GABPB1: variants seen among roughly 807,000 people sequenced by gnomAD.
GABPB1 encodes the protein GA-binding protein subunit beta-1.
GABPB1 carries 15 observed loss-of-function variants against 45.9 expected under a neutral mutation model. The ratio of observed to expected loss-of-function variants is 0.33; its 90% confidence interval spans 0.22 to 0.50. The LOEUF is 0.50. Among genes scored for constraint, GABPB1 ranks in the 20% least tolerant of loss-of-function variants. The probability of loss-of-function intolerance (pLI) is 0.98; values close to 1 mark genes in which losing one functional copy is unlikely to be tolerated. For synonymous variants in GABPB1, 143 were observed against 154.4 expected, an observed-to-expected ratio of 0.93 and a Z score of 0.55; for missense variants, 252 against 457.5, an observed-to-expected ratio of 0.55 and a Z score of 4.10.
At chr15:50,354,656 C>A (rs893715554) in intron 1 of GABPB1, 1 of 430,510 alleles carries the variant, frequency 2.3e-6, no homozygotes, top group Non-Finnish European at 4.6e-6. Flanking sequence ...GGCTGCCGCT[C>A]GGGACCGGCA....
At chr15:50,345,850 T>C (rs1009947243) in intron 1 of GABPB1, among the ~76,000 whole-genome samples, 1 of 152,128 alleles carries the variant, frequency 6.6e-6, no homozygotes, top group Non-Finnish European at 1.5e-5. Flanking sequence ...TAGCTGGAAC[T>C]ACAGGCGCTC....
At chr15:50,306,059 C>G (rs2046938904) in intron 2 of GABPB1, among the ~76,000 whole-genome samples, 1 of 151,964 alleles carries the variant, frequency 6.6e-6, no homozygotes, top group Non-Finnish European at 1.5e-5. Context: ...ACTGTAACCT[C>G]TAACTCCTAG....
At chr15:50,331,987 G>A (rs755800190) in intron 1 of GABPB1, among the ~76,000 whole-genome samples, 3 of 151,618 alleles carry the variant, frequency 2.0e-5, no homozygotes, top group Admixed American at 1.3e-4. Context: ...CGATTCTCCC[G>A]TCTCAGTCTC....
At chr15:50,348,043 G>GACAAAAAAAA (rs1555517541) in intron 1 of GABPB1, among the ~76,000 whole-genome samples, 11 of 113,720 alleles carry the variant, frequency 9.7e-5, no homozygotes, top group African/African-American at 4.5e-4. Context: ...ACTCCATCTG[G>GACAAAAAAAA]AAAAAAAAAA....
chr15:50,347,137 A>G (rs2048620583), intron 1 of GABPB1, among the ~76,000 whole-genome samples: 1 of 151,840 alleles, frequency 6.6e-6, no homozygotes, highest in South Asian at 2.1e-4. Context: ...GGCTCTACCC[A>G]CCTGAGCTAA....
chr15:50,316,102 T>TA (rs1350419494), intron 1 of GABPB1, among the ~76,000 whole-genome samples: 2 of 152,206 alleles, frequency 1.3e-5, no homozygotes, highest in African/African-American at 4.8e-5. Context: ...GCTAGATTTT[T>TA]AAAAAATCAT....
intron 1 of GABPB1, among the ~76,000 whole-genome samples, chr15:50,318,363 C>T (rs1224055601): frequency 6.6e-6 from 1 of 152,134 alleles, no homozygotes; most frequent in Non-Finnish European, 1.5e-5. Context: ...ATCACATGAA[C>T]TCTGGTATAT....
At chr15:50,345,421 G>C (rs1342707141) in intron 1 of GABPB1, among the ~76,000 whole-genome samples, 2 of 152,138 alleles carry the variant, frequency 1.3e-5, no homozygotes, top group Non-Finnish European at 2.9e-5. Flanking sequence ...ACAAAAATTA[G>C]CCAGGCATGG....
intron 2 of GABPB1, among the ~76,000 whole-genome samples, chr15:50,308,946 T>C (rs539410044): frequency 3.9e-4 from 59 of 152,316 alleles, no homozygotes; most frequent in Admixed American, 7.9e-4. Context: ...CATGATTTGA[T>C]AATTTTTGAA....
At chr15:50,321,200 T>C (rs2047557728) in intron 1 of GABPB1, among the ~76,000 whole-genome samples, 1 of 152,212 alleles carries the variant, frequency 6.6e-6, no homozygotes, top group Non-Finnish European at 1.5e-5. Context: ...GCAGGATTGC[T>C]AGACTTGTTT....
chr15:50,318,605 A>C (rs2047436067), intron 1 of GABPB1, among the ~76,000 whole-genome samples: 2 of 152,192 alleles, frequency 1.3e-5, no homozygotes, highest in Non-Finnish European at 2.9e-5. Context: ...ACCCAAAATG[A>C]TGGTGAAGGG....
At chr15:50,316,995 T>C (rs975118278) in intron 1 of GABPB1, among the ~76,000 whole-genome samples, 1 of 151,950 alleles carries the variant, frequency 6.6e-6, no homozygotes, top group African/African-American at 2.4e-5. Context: ...AAGATAAAAA[T>C]ATTTTTAAAA....
At chr15:50,296,846 G>A (rs2046529280) in intron 6 of GABPB1, among the ~76,000 whole-genome samples, 1 of 151,178 alleles carries the variant, frequency 6.6e-6, no homozygotes, top group African/African-American at 2.4e-5. Flanking sequence ...CTGAGTATGT[G>A]CAAATTGAGC....
At chr15:50,316,356 T>C (rs1245844364) in intron 1 of GABPB1, among the ~76,000 whole-genome samples, 2 of 152,236 alleles carry the variant, frequency 1.3e-5, no homozygotes, top group Non-Finnish European at 2.9e-5. Context: ...GATTATGGCA[T>C]GTACTAGACA....
At chr15:50,350,104 C>T (rs1200179924) in intron 1 of GABPB1, 6 of 151,830 alleles carry the variant, frequency 4.0e-5, no homozygotes, top group Middle Eastern at 3.2e-3. Flanking sequence ...AGGGATGGAC[C>T]CTAACAATCA....
intron 1 of GABPB1, chr15:50,354,390 C>G (rs1274092830): frequency 4.4e-6 from 2 of 452,214 alleles, no homozygotes; most frequent in African/African-American, 4.1e-5. Flanking sequence ...TTAACCCTGT[C>G]TGGTCCGGCC....
rs563710856 is a variant in GABPB1 at position 50,275,402 on chromosome 15, C to T, written c.*3230G>A. Reference sequence around the variant, plus strand: ...TGGACAAAGATATTTGTAAGCAGATCTTTTTATTACAAACAAGTACAGATG... The same window carrying T: ...TGGACAAAGATATTTGTAAGCAGATTTTTTTATTACAAACAAGTACAGATG... On this transcript the variant is annotated 3_prime_UTR_variant, in exon 9 of 9. Coordinates refer to ENST00000380877, the MANE Select transcript of GABPB1 (RefSeq NM_016654.5). 2.6e-5 allele frequency: 4 copies of T among 152,292 alleles called. No homozygotes were observed. Among genetic ancestry groups the T allele is most frequent in the African/African-American group, 9.6e-5 (4 of 41,556 alleles). The allele number at this position is 152,292 out of a possible 1,614,324, so 9.4% of individuals were successfully genotyped here.
chr15:50,337,129 A>ATATATATATATATATATATATATAT, intron 1 of GABPB1, among the ~76,000 whole-genome samples: 1 of 10,554 alleles, frequency 9.5e-5, no homozygotes, highest in Non-Finnish European at 1.4e-4. Flanking sequence ...ATATATATAT[A>ATATATATATATATATATATATATAT]ATATGAAGAG....
chr15:50,305,445 G>A lies in GABPB1; in HGVS notation c.109-1312C>T, dbSNP rs188082024. On this transcript the variant is annotated intron_variant, in intron 2 of 8. Transcript: ENST00000380877. The stretch of plus-strand genomic sequence containing the variant: ...TCACACACTACAGCTTTGAACTGCT[G>A]GGCTCAAGCAATCTGTCCACCTCAG... Among the ~76,000 whole-genome samples, 473 of 152,190 alleles carry A rather than the reference G, an allele frequency of 3.1e-3. 1 individual carries two copies. Among genetic ancestry groups the A allele is most frequent in the African/African-American group, 0.011 (462 of 41,510 alleles).
Sources: allele counts gnomAD v4.1 joint callset (sites outside exome capture counted in the v4.1 genomes callset), GRCh38; gene constraint gnomAD v4.1.1; transcripts MANE v1.5; gene names NCBI Gene and HGNC (gene_info 2026-07-23, HGNC 2026-07-21).